The following GPC5 variants were observed in gnomAD, a reference collection of about 807,000 sequenced individuals.
GPC5 encodes glypican 5.
GPC5 carries 47 observed loss-of-function variants against 53.9 expected under a neutral mutation model. That is an observed-to-expected ratio of 0.87 (90% CI 0.69 to 1.11). GPC5 has a LOEUF of 1.11. Among genes scored for constraint, GPC5 ranks in the 50% most tolerant of loss-of-function variants. The pLI is 0.00. For missense variants in GPC5, 748 were observed against 713.1 expected, an observed-to-expected ratio of 1.05 and a Z score of -0.56; for synonymous variants, 286 against 263.3, an observed-to-expected ratio of 1.09 and a Z score of -0.84.
chr13:92,374,958 C>T lies in GPC5; in HGVS notation c.1561+229969C>T, dbSNP rs373767315. Among the ~76,000 whole-genome samples, 285 of 151,708 alleles carry T rather than the reference C, an allele frequency of 1.9e-3. 2 individuals are homozygous for T. Among genetic ancestry groups the T allele is most frequent in the African/African-American group, 6.6e-3 (274 of 41,326 alleles). On this transcript the variant is annotated intron_variant, in intron 7 of 7. Transcript: ENST00000377067. The stretch of plus-strand genomic sequence containing the variant: ...TTAGGAAGATTCTATGGGATGGCAG[C>T]CTTAAATAGTTGCCTTCCCTTAGAA...
chr13:92,030,858 A>C (rs1282323363), intron 6 of GPC5, among the ~76,000 whole-genome samples: 1 of 151,902 alleles, frequency 6.6e-6, no homozygotes, highest in East Asian at 1.9e-4. Context: ...GTTAACAGGA[A>C]CCTCTCTCGC....
At chr13:92,438,136 T>A (rs536933419) in intron 7 of GPC5, among the ~76,000 whole-genome samples, 1 of 152,038 alleles carries the variant, frequency 6.6e-6, no homozygotes, top group African/African-American at 2.4e-5. Context: ...CCGATGTGTT[T>A]AGTGCTGGGA....
intron 7 of GPC5, among the ~76,000 whole-genome samples, chr13:92,468,665 T>C (rs545918804): frequency 2.6e-5 from 4 of 152,082 alleles, no homozygotes; most frequent in Non-Finnish European, 5.9e-5. Flanking sequence ...ATACATAGGA[T>C]TAATGAAACA....
At chr13:92,508,914 C>T (rs1159969374) in intron 7 of GPC5, among the ~76,000 whole-genome samples, 2 of 152,176 alleles carry the variant, frequency 1.3e-5, no homozygotes, top group African/African-American at 4.8e-5. Flanking sequence ...TCATTCATTT[C>T]TGCATTTCTC....
intron 3 of GPC5, among the ~76,000 whole-genome samples, chr13:91,713,645 C>T (rs2036275321): frequency 1.3e-5 from 2 of 152,166 alleles, no homozygotes; most frequent in Non-Finnish European, 2.9e-5. Flanking sequence ...CAGCTTTCTA[C>T]TTGACACTTT....
intron 7 of GPC5, among the ~76,000 whole-genome samples, chr13:92,158,594 C>T (rs1347071430): frequency 1.3e-5 from 2 of 151,936 alleles, no homozygotes; most frequent in African/African-American, 2.4e-5. Context: ...TCTCCCTTCA[C>T]GCCCCGCATT....
intron 7 of GPC5, among the ~76,000 whole-genome samples, chr13:92,643,304 C>G (rs1885655656): frequency 6.6e-6 from 1 of 152,162 alleles, no homozygotes; most frequent in Admixed American, 6.5e-5. Flanking sequence ...TTGCCCATGC[C>G]TATGTCCTGA....
chr13:91,671,403 T>A (rs2139674044), intron 2 of GPC5, among the ~76,000 whole-genome samples: 1 of 152,228 alleles, frequency 6.6e-6, no homozygotes, highest in South Asian at 2.1e-4. Context: ...AAGGAATGCT[T>A]GTGATTTTTG....
At chr13:92,734,630 T>C (rs1301419429) in intron 7 of GPC5, among the ~76,000 whole-genome samples, 1 of 151,940 alleles carries the variant, frequency 6.6e-6, no homozygotes, top group African/African-American at 2.4e-5. Flanking sequence ...TTCCCCATTC[T>C]CACTCTTAGT....
In GPC5 at chr13:91,761,352, A is replaced by T. The variant is rs545155611; in HGVS notation, c.1280+4932A>T. On this transcript the variant is annotated intron_variant, in intron 5 of 7. Coordinates refer to ENST00000377067, the MANE Select transcript of GPC5 (RefSeq NM_004466.6). Reference sequence around the variant, plus strand: ...CAATCATCAACACGGAACTTCTGTGACCAAAATTGTGGGGTTTTTTTTCAC... The same window carrying T: ...CAATCATCAACACGGAACTTCTGTGTCCAAAATTGTGGGGTTTTTTTTCAC... Among the ~76,000 whole-genome samples the T allele has an allele frequency of 2.6e-5, 4 of 152,260 alleles. No individual in the cohort carries two copies. The East Asian group carries it at 7.7e-4, about 29-fold the overall frequency.
intron 2 of GPC5, among the ~76,000 whole-genome samples, chr13:91,459,217 AAAAAG>A (rs987400007): frequency 1.4e-4 from 22 of 152,030 alleles, no homozygotes; most frequent in African/African-American, 4.8e-4. Flanking sequence ...TGAAATTAAA[AAAAAG>A]AAAAGAAGGT....
intron 2 of GPC5, among the ~76,000 whole-genome samples, chr13:91,665,631 T>C (rs997624868): frequency 6.6e-6 from 1 of 152,076 alleles, no homozygotes; most frequent in African/African-American, 2.4e-5. Context: ...GCCTCCCAAG[T>C]AGCTGAGACT....
intron 7 of GPC5, among the ~76,000 whole-genome samples, chr13:92,290,656 A>AT (rs2042987328): frequency 6.6e-6 from 1 of 152,194 alleles, no homozygotes; most frequent in Non-Finnish European, 1.5e-5. Context: ...TGTGCATGCC[A>AT]TTAACTCATT....
intron 6 of GPC5, among the ~76,000 whole-genome samples, chr13:92,054,587 A>G (rs1405601886): frequency 1.3e-5 from 2 of 152,228 alleles, no homozygotes; most frequent in African/African-American, 4.8e-5. Flanking sequence ...CACATTATAG[A>G]GACTAGTGAA....
intron 2 of GPC5, among the ~76,000 whole-genome samples, chr13:91,587,392 C>A (rs542632281): frequency 6.6e-6 from 1 of 152,134 alleles, no homozygotes; most frequent in East Asian, 1.9e-4. Flanking sequence ...TATATTTATG[C>A]ATAAAATAAG....
At chr13:91,693,977 T>C in intron 3 of GPC5, 96 bp downstream of exon 3, 1 of 901,408 alleles carries the variant, frequency 1.1e-6, no homozygotes, top group Non-Finnish European at 1.7e-6. Context: ...TGTCTGTTGA[T>C]ATATTCAATC....
At chr13:92,100,241 A>G (rs964262209) in intron 6 of GPC5, among the ~76,000 whole-genome samples, 7 of 152,090 alleles carry the variant, frequency 4.6e-5, no homozygotes, top group African/African-American at 1.4e-4. Context: ...TGTCTCTCCT[A>G]AAAATACAAA....
chr13:91,720,118 C>G (rs1224876029), intron 3 of GPC5, among the ~76,000 whole-genome samples: 2 of 152,094 alleles, frequency 1.3e-5, no homozygotes. Context: ...CCCCAAAAAA[C>G]AAAACAAAAC....
intron 7 of GPC5, among the ~76,000 whole-genome samples, chr13:92,667,026 C>T (rs1475917215): frequency 2.0e-5 from 3 of 152,138 alleles, no homozygotes; most frequent in Non-Finnish European, 2.9e-5. Context: ...AAACATTATG[C>T]ATAATTTTCA....
Sources: allele counts gnomAD v4.1 joint callset (sites outside exome capture counted in the v4.1 genomes callset), GRCh38; gene constraint gnomAD v4.1.1; transcripts MANE v1.5; gene names NCBI Gene and HGNC (gene_info 2026-07-23, HGNC 2026-07-21).